Variants in CNTN4 observed in about 807,000 individuals in gnomAD.
CNTN4 encodes the protein contactin 4.
A neutral mutation model predicts 122.5 loss-of-function variants in CNTN4; 77 were observed. The observed-to-expected ratio is 0.63, with a 90% CI of 0.52 to 0.76. CNTN4 has a LOEUF of 0.76. CNTN4 is among the 30% of genes least tolerant of loss of function. The pLI is 0.00. For synonymous variants in CNTN4, 512 were observed against 447.0 expected, an observed-to-expected ratio of 1.15 and a Z score of -1.83; for missense variants, 1,256 against 1,259.1, an observed-to-expected ratio of 1.00 and a Z score of 0.04.
At chr3:2,818,692 T>A (rs947286218) in intron 6 of CNTN4, among the ~76,000 whole-genome samples, 1 of 152,254 alleles carries the variant, frequency 6.6e-6, no homozygotes. Flanking sequence ...TCATTTGTAT[T>A]TGTAACTGCC....
chr3:2,241,500 C>G (rs185385101), intron 2 of CNTN4, among the ~76,000 whole-genome samples: 3 of 152,110 alleles, frequency 2.0e-5, no homozygotes, highest in Non-Finnish European at 2.9e-5. Flanking sequence ...CTAGGGATAC[C>G]CCTTCCTTCC....
intron 3 of CNTN4, among the ~76,000 whole-genome samples, chr3:2,451,491 G>T (rs9853315): frequency 0.66 from 97,896 of 148,850 alleles, 32,610 homozygotes; most frequent in East Asian, 0.8. Context: ...GTTGAAATCA[G>T]TTTTTTTTGT....
chr3:2,625,394 T>C (rs2082144651), intron 4 of CNTN4, among the ~76,000 whole-genome samples: 1 of 152,346 alleles, frequency 6.6e-6, no homozygotes, highest in East Asian at 1.9e-4. Context: ...AGAATAACTA[T>C]GTAACAGATA....
chr3:2,487,526 C>A (rs115457074), intron 3 of CNTN4, among the ~76,000 whole-genome samples: 1 of 152,190 alleles, frequency 6.6e-6, no homozygotes, highest in Admixed American at 6.5e-5. Context: ...TCAAAAAGCC[C>A]TAGTCAATTA....
intron 12 of CNTN4, among the ~76,000 whole-genome samples, chr3:2,921,602 A>G (rs1325198173): frequency 6.6e-6 from 1 of 152,252 alleles, no homozygotes; most frequent in African/African-American, 2.4e-5. Flanking sequence ...TGAACTTCCA[A>G]AAAAGCTGGC....
At chr3:2,150,004 A>G (rs113065448) in intron 2 of CNTN4, among the ~76,000 whole-genome samples, 2 of 150,780 alleles carry the variant, frequency 1.3e-5, no homozygotes, top group African/African-American at 4.9e-5. Context: ...AAGTAAGCTG[A>G]ATATATGCAA....
At chr3:2,932,309 C>T (rs568265356) in intron 13 of CNTN4, among the ~76,000 whole-genome samples, 5 of 152,212 alleles carry the variant, frequency 3.3e-5, no homozygotes, top group South Asian at 2.1e-4. Flanking sequence ...ACCCAGAAGG[C>T]GGAGCTTGCA....
intron 4 of CNTN4, among the ~76,000 whole-genome samples, chr3:2,632,460 A>G (rs1402958365): frequency 6.6e-6 from 1 of 152,126 alleles, no homozygotes; most frequent in Non-Finnish European, 1.5e-5. Context: ...ATATTCTTTC[A>G]TACACCAGAA....
chr3:3,030,945 C>G lies in CNTN4; in HGVS notation c.1753C>G (p.Leu585Val). Residue 585 changes from leucine (L) to valine (V), a missense_variant, in exon 16 of 25, where the codon CTA becomes GTA. By Grantham distance (32) the Leu-to-Val change is conservative (BLOSUM62 1). Coordinates refer to ENST00000418658, the MANE Select transcript of CNTN4 (RefSeq NM_175607.3). ...CATGGTCCAAACAAGTGTGGACAGG[C>G]TATCTGCTGCTGCAGACCTGATTGT... ...VCMVQTSVDR[L>V]SAAADLIVRG... 6.2e-7 allele frequency: 1 copy of G among 1,614,018 alleles called. No homozygotes were observed. The highest frequency in any genetic ancestry group is 2.2e-5 in the East Asian group (1 of 44,882).
intron 3 of CNTN4, among the ~76,000 whole-genome samples, chr3:2,361,867 A>C (rs1464513246): frequency 1.3e-5 from 2 of 152,188 alleles, no homozygotes; most frequent in Non-Finnish European, 2.9e-5. Flanking sequence ...CTCTAATTCC[A>C]CAGGATCTGA....
At chr3:2,922,967 A>G (rs564685302) in intron 12 of CNTN4, among the ~76,000 whole-genome samples, 9 of 152,324 alleles carry the variant, frequency 5.9e-5, no homozygotes, top group African/African-American at 1.9e-4. Flanking sequence ...TCTTATCTCG[A>G]TAAGATATCC....
At chr3:2,290,774 G>A (rs2042104586) in intron 2 of CNTN4, among the ~76,000 whole-genome samples, 2 of 152,128 alleles carry the variant, frequency 1.3e-5, no homozygotes, top group Non-Finnish European at 2.9e-5. Context: ...GTCTTTGGAT[G>A]CTAACTAGAG....
At chr3:2,187,612 C>G (rs975219601) in intron 2 of CNTN4, among the ~76,000 whole-genome samples, 1 of 152,158 alleles carries the variant, frequency 6.6e-6, no homozygotes, top group Admixed American at 6.6e-5. Flanking sequence ...TCACATTCTG[C>G]CGGGTTCCGT....
At chr3:2,978,050 C>T (rs76114412) in intron 13 of CNTN4, among the ~76,000 whole-genome samples, 11,716 of 152,240 alleles carry the variant, frequency 0.077, 603 homozygotes, top group Non-Finnish European at 0.11. Context: ...GGGTTTCTCC[C>T]GCAGAGCCTC....
chr3:2,169,744 A>G (rs531558268), intron 2 of CNTN4, among the ~76,000 whole-genome samples: 1 of 152,312 alleles, frequency 6.6e-6, no homozygotes, highest in East Asian at 1.9e-4. Flanking sequence ...AGTAGTGAAT[A>G]TAACAATTCA....
Position 2,732,503 on chromosome 3 carries a change from T to TAA in CNTN4, c.56-3699_56-3698dup, listed in dbSNP as rs11368854. Among the ~76,000 whole-genome samples the TAA allele has an allele frequency of 8.5e-4, 119 of 139,610 alleles. 1 individual carries two copies. Among genetic ancestry groups the TAA allele is most frequent in the African/African-American group, 2.2e-3 (87 of 39,076 alleles). 91.6% of individuals were successfully genotyped at this position (139,610 alleles called of 152,430 possible). A position where few individuals can be genotyped will look rare whatever the true frequency, so the allele number is the denominator to read the frequency against. Reference sequence around the variant, plus strand: ...GGTTACATAGAACAACTTACTGTGATAAAAAAAAAAAAAAGATGAACTTTA... The same window carrying TAA: ...GGTTACATAGAACAACTTACTGTGATAAAAAAAAAAAAAAAAGATGAACTTTA... On this transcript the variant is annotated intron_variant, in intron 4 of 24. Coordinates refer to ENST00000418658, the MANE Select transcript of CNTN4 (RefSeq NM_175607.3).
chr3:3,027,495 A>C (rs1698825628), intron 15 of CNTN4, among the ~76,000 whole-genome samples: 1 of 152,188 alleles, frequency 6.6e-6, no homozygotes, highest in African/African-American at 2.4e-5. Flanking sequence ...AAGACATTGG[A>C]GATATTGAAT....
chr3:2,488,874 A>G (rs2076236037), intron 3 of CNTN4, among the ~76,000 whole-genome samples: 1 of 152,168 alleles, frequency 6.6e-6, no homozygotes, highest in South Asian at 2.1e-4. Flanking sequence ...AAAGCAACTA[A>G]TGTAGTGTTA....
chr3:2,547,304 C>T (rs1056466846), intron 3 of CNTN4, among the ~76,000 whole-genome samples: 1 of 151,680 alleles, frequency 6.6e-6, no homozygotes, highest in Non-Finnish European at 1.5e-5. Flanking sequence ...ATTCTTGTCT[C>T]TCAGGCTGGA....
Sources: allele counts gnomAD v4.1 joint callset (sites outside exome capture counted in the v4.1 genomes callset), GRCh38; gene constraint gnomAD v4.1.1; transcripts MANE v1.5; gene names NCBI Gene and HGNC (gene_info 2026-07-23, HGNC 2026-07-21).